The following PIP5K1C variants were observed in gnomAD, a reference collection of about 807,000 sequenced individuals.
The protein encoded by PIP5K1C is phosphatidylinositol-4-phosphate 5-kinase type 1 gamma, also known as phosphatidylinositol 4-phosphate 5-kinase type-1 gamma.
In PIP5K1C, 45 loss-of-function variants were observed where a neutral mutation model predicts 80.1. That is an observed-to-expected ratio of 0.56 (90% CI 0.44 to 0.72). The LOEUF is 0.72. Among genes scored for constraint, PIP5K1C ranks in the 30% least tolerant of loss-of-function variants. PIP5K1C has a pLI of 0.00. For missense variants in PIP5K1C, 753 were observed against 954.6 expected, an observed-to-expected ratio of 0.79 and a Z score of 2.78; for synonymous variants, 498 against 420.1, an observed-to-expected ratio of 1.19 and a Z score of -2.27.
At chr19:3,681,261 C>T (rs375235353) in intron 1 of PIP5K1C, among the ~76,000 whole-genome samples, 1 of 149,160 alleles carries the variant, frequency 6.7e-6, no homozygotes, top group African/African-American at 2.5e-5. Context: ...GATAGAGTCT[C>T]GTTCTGTCGC....
At chr19:3,659,210 C>T (rs2034746139) in intron 5 of PIP5K1C, among the ~76,000 whole-genome samples, 2 of 152,250 alleles carry the variant, frequency 1.3e-5, no homozygotes, top group African/African-American at 4.8e-5. Context: ...CTAGCCCGTC[C>T]TCCCGCTGTG....
rs1218580201 is a variant in PIP5K1C at position 3,643,317 on chromosome 19, G to T, written c.1575C>A (p.Ala525=). The T allele has an allele frequency of 1.9e-6, 3 of 1,613,912 alleles. No individual in the cohort carries two copies. In the African/African-American group the frequency reaches 4.0e-5, roughly 22 times the overall value. ...SFEEATTASI[A]TTLSSTSLSI... is the part of the protein sequence containing the mutation. Reference sequence around the variant, plus strand: ...AGAGGGATGTGGATGACAGAGTCGTGGCAATGGAGGCTGTAGTGGCTTCTT... The same window carrying T: ...AGAGGGATGTGGATGACAGAGTCGTTGCAATGGAGGCTGTAGTGGCTTCTT... Residue 525 remains alanine, a synonymous_variant, in exon 13 of 18, where the codon GCC becomes GCA. Coordinates refer to ENST00000335312, the MANE Select transcript of PIP5K1C (RefSeq NM_012398.3).
At position 3,653,461 on chromosome 19, in the gene PIP5K1C, G is replaced by A. The variant is rs1317630725; in HGVS notation, c.750C>T (p.Leu250=). The change falls in exon 7 of 18, where the codon CTC becomes CTT. Residue 250 remains leucine, a synonymous_variant. Transcript: ENST00000335312. The part of the protein sequence containing the change: ...NILPRVVKMH[L]KFDLKGSTYK... Reference sequence around the variant, plus strand: ...AGGTGGAGCCCTTGAGGTCGAACTTGAGGTGCATCTTGACCACGCGGGGCA... The same window carrying A: ...AGGTGGAGCCCTTGAGGTCGAACTTAAGGTGCATCTTGACCACGCGGGGCA... The A allele has an allele frequency of 2.5e-6, 4 of 1,613,700 alleles. No homozygotes were observed. The highest frequency in any genetic ancestry group is 3.4e-6 in the Non-Finnish European group (4 of 1,180,040).
intron 13 of PIP5K1C, 150 bp from the exon 14 acceptor site, chr19:3,643,089 G>T (rs1053269843): frequency 1.4e-6 from 2 of 1,460,294 alleles, no homozygotes; most frequent in Non-Finnish European, 9.5e-7. Flanking sequence ...TGGATGCTCC[G>T]CCCCCGCGCA....
chr19:3,677,160 T>C (rs540727085), intron 1 of PIP5K1C, among the ~76,000 whole-genome samples: 5 of 152,040 alleles, frequency 3.3e-5, no homozygotes, highest in South Asian at 2.1e-4. Flanking sequence ...CAAAAAGTTA[T>C]GGGAAATGCC....
At chr19:3,653,708 C>G (rs1047778335) in intron 6 of PIP5K1C, 119 bp from the exon 7 acceptor site, 4 of 948,674 alleles carry the variant, frequency 4.2e-6, no homozygotes, top group Non-Finnish European at 6.2e-6. Flanking sequence ...CCCCTCTCTC[C>G]CCAGAAGCCC....
At position 3,637,145 on chromosome 19, in the gene PIP5K1C, G is replaced by A. The variant is rs2033720594; in HGVS notation, c.1920+1739C>T. On this transcript the variant is annotated intron_variant, in intron 16 of 17. Transcript: ENST00000335312. This position sits in a 1 kb window ranked among gnomAD's most constrained non-coding sequence, Gnocchi z 7.0. ...GCAACCTCCCCTGTGCAGCCAGCGG[G>A]GCCACGGGCAGCCAGGTCTGCACGA... 7.2e-7 allele frequency: 1 copy of A among 1,398,086 alleles called. No homozygotes were observed. Among genetic ancestry groups the A allele is most frequent in the South Asian group, 1.5e-5 (1 of 66,008 alleles). The allele number at this position is 1,398,086 out of a possible 1,614,324, so 86.6% of individuals were successfully genotyped here. A position where few individuals can be genotyped will look rare whatever the true frequency, so the allele number is the denominator to read the frequency against.
rs889976822 is a variant in PIP5K1C, at chr19:3,630,347, C to T, written c.*2820G>A. The T allele has an allele frequency of 1.3e-5, 2 of 152,516 alleles. No individual in the cohort carries two copies. Among genetic ancestry groups the T allele is most frequent in the African/African-American group, 4.8e-5 (2 of 41,408 alleles). The allele number at this position is 152,516 out of a possible 1,614,324, so 9.4% of individuals were successfully genotyped here. A position where few individuals can be genotyped will look rare whatever the true frequency, so the allele number is the denominator to read the frequency against. On this transcript the variant is annotated 3_prime_UTR_variant, in exon 18 of 18. Coordinates refer to ENST00000335312, the MANE Select transcript of PIP5K1C (RefSeq NM_012398.3). ...TTTGAGGGACACAGCACCCTCGTCT[C>T]GGCGCTTTGGATTGTCACGCACCAG... is the stretch of plus-strand genomic sequence containing the variant.
intron 1 of PIP5K1C, among the ~76,000 whole-genome samples, chr19:3,697,918 A>G (rs2145634094): frequency 6.6e-6 from 1 of 152,348 alleles, no homozygotes; most frequent in South Asian, 2.1e-4. Context: ...CATTCAGGCC[A>G]CGCCTCGGGA....
intron 5 of PIP5K1C, among the ~76,000 whole-genome samples, chr19:3,658,703 A>AG (rs899684015): frequency 1.3e-5 from 2 of 152,126 alleles, no homozygotes; most frequent in African/African-American, 4.8e-5. Flanking sequence ...CGGTGGCAGG[A>AG]GGGGGAGGCC....
chr19:3,674,161 T>C (rs1195832846), intron 1 of PIP5K1C: 1 of 152,212 alleles, frequency 6.6e-6, no homozygotes, highest in Non-Finnish European at 1.5e-5. Flanking sequence ...GACAGGCAAG[T>C]GTAGGACGAG....
chr19:3,651,049 C>T (rs2034424442), intron 8 of PIP5K1C, among the ~76,000 whole-genome samples: 1 of 140,056 alleles, frequency 7.1e-6, no homozygotes, highest in Non-Finnish European at 1.5e-5. Context: ...AGCCACCGCG[C>T]CCAGCGTTTT....
At chr19:3,675,923 C>T (rs1334181259) in intron 1 of PIP5K1C, among the ~76,000 whole-genome samples, 1 of 152,206 alleles carries the variant, frequency 6.6e-6, no homozygotes, top group Non-Finnish European at 1.5e-5. Flanking sequence ...CCAGGTGATG[C>T]CCCGCTTCAG....
At chr19:3,667,761 G>T (rs1015197459) in intron 1 of PIP5K1C, among the ~76,000 whole-genome samples, 1 of 152,232 alleles carries the variant, frequency 6.6e-6, no homozygotes, top group Admixed American at 6.5e-5. Context: ...GAGGTTCTGG[G>T]CAGTCAACAA....
intron 2 of PIP5K1C, 92 bp from the exon 3 acceptor site, chr19:3,665,006 C>T (rs1032608228): frequency 2.9e-5 from 31 of 1,077,018 alleles, no homozygotes; most frequent in African/African-American, 7.8e-5. Context: ...AAGGTTTAGT[C>T]GTTGGGCCCA....
At chr19:3,671,213 C>A (rs1040734902) in intron 1 of PIP5K1C, among the ~76,000 whole-genome samples, 4 of 152,238 alleles carry the variant, frequency 2.6e-5, no homozygotes, top group South Asian at 2.1e-4. Context: ...GGGGCCCCCC[C>A]ACACCCACTT....
intron 6 of PIP5K1C, among the ~76,000 whole-genome samples, chr19:3,655,645 C>G (rs539174345): frequency 6.6e-6 from 1 of 152,316 alleles, no homozygotes; most frequent in African/African-American, 2.4e-5. Context: ...CTCTCTGGGC[C>G]TTTAAAGACT....
At chr19:3,678,442 AG>A in intron 1 of PIP5K1C, among the ~76,000 whole-genome samples, 1 of 63,820 alleles carries the variant, frequency 1.6e-5, no homozygotes, top group Non-Finnish European at 3.2e-5. Flanking sequence ...GAGGATGGAG[AG>A]ATGGAGGATG....
chr19:3,674,271 G>A (rs925494723), intron 1 of PIP5K1C: 9 of 152,232 alleles, frequency 5.9e-5, no homozygotes, highest in African/African-American at 2.2e-4. Context: ...TAACAGAATC[G>A]CAAGCAAATA....
Sources: gnomAD v4.1 joint callset for allele counts (sites outside exome capture counted in the v4.1 genomes callset) on GRCh38, gnomAD v4.1.1 for gene constraint, Gnocchi (gnomAD v3.1) non-coding constraint, MANE v1.5 for transcripts, NCBI Gene and HGNC (gene_info 2026-07-23, HGNC 2026-07-21) for gene names.